Variants in NOS1AP observed in about 807,000 individuals in gnomAD.
NOS1AP encodes the protein nitric oxide synthase 1 adaptor protein, also known as carboxyl-terminal PDZ ligand of neuronal nitric oxide synthase protein.
NOS1AP carries 21 observed loss-of-function variants against 56.2 expected under a neutral mutation model. The ratio of observed to expected loss-of-function variants is 0.37; its 90% confidence interval spans 0.26 to 0.54. The LOEUF is 0.54. Among genes scored for constraint, NOS1AP ranks in the 20% least tolerant of loss-of-function variants. NOS1AP has a pLI of 0.84. For missense variants in NOS1AP, 522 were observed against 657.8 expected, an observed-to-expected ratio of 0.79 and a Z score of 2.26; for synonymous variants, 270 against 274.6, an observed-to-expected ratio of 0.98 and a Z score of 0.17.
chr1:162,216,565 C>G lies in NOS1AP; in HGVS notation c.177+62089C>G, dbSNP rs1157049892. On this transcript the variant is annotated intron_variant, in intron 2 of 9. Transcript: ENST00000361897. ...ATGTACTTTAGGCAAGTCGCTGAACCTCTATGCTTTGGTTTATTCATCTAC... is the reference window on the plus strand; with the variant it reads ...ATGTACTTTAGGCAAGTCGCTGAACGTCTATGCTTTGGTTTATTCATCTAC... 8.5e-5 allele frequency among the ~76,000 whole-genome samples: 13 copies of G among 152,314 alleles called. No homozygotes were observed. The East Asian group carries it at 2.5e-3, about 29-fold the overall frequency.
intron 2 of NOS1AP, among the ~76,000 whole-genome samples, chr1:162,221,979 A>G (rs1400400184): frequency 6.6e-6 from 1 of 152,176 alleles, no homozygotes; most frequent in Admixed American, 6.5e-5. Context: ...TCATTCTCCC[A>G]TTGAATATTT....
intron 2 of NOS1AP, among the ~76,000 whole-genome samples, chr1:162,179,689 G>C (rs1006780561): frequency 6.6e-6 from 1 of 152,194 alleles, no homozygotes; most frequent in African/African-American, 2.4e-5. Context: ...GTGGATGAGT[G>C]GGGAGGGAAA....
chr1:162,217,176 C>T (rs1037176333), intron 2 of NOS1AP, among the ~76,000 whole-genome samples: 1 of 151,004 alleles, frequency 6.6e-6, no homozygotes, highest in Non-Finnish European at 1.5e-5. Flanking sequence ...CAAGCCTATA[C>T]GACTCAAACT....
chr1:162,313,476 GA>G (rs559902817), intron 4 of NOS1AP, among the ~76,000 whole-genome samples: 144 of 152,212 alleles, frequency 9.5e-4, no homozygotes, highest in African/African-American at 2.9e-3. Context: ...AATATATCAA[GA>G]GCTGCCTCCC....
intron 2 of NOS1AP, among the ~76,000 whole-genome samples, chr1:162,173,918 A>G (rs1386286946): frequency 2.0e-4 from 30 of 152,164 alleles, no homozygotes; most frequent in African/African-American, 5.6e-4. Flanking sequence ...AACAGGTGCT[A>G]GAGAGGATGT....
At chr1:162,145,074 G>T (rs1649405067) in intron 1 of NOS1AP, among the ~76,000 whole-genome samples, 1 of 152,208 alleles carries the variant, frequency 6.6e-6, no homozygotes, top group Non-Finnish European at 1.5e-5. Flanking sequence ...CCCCTGCTGA[G>T]CTACTGATCA....
At chr1:162,288,217 C>G (rs779608100) in intron 3 of NOS1AP, among the ~76,000 whole-genome samples, 15 of 152,000 alleles carry the variant, frequency 9.9e-5, no homozygotes, top group Non-Finnish European at 1.5e-4. Flanking sequence ...TATAAGGAGC[C>G]CTTTTTGTCC....
At chr1:162,356,851 G>A in intron 7 of NOS1AP, 109 bp from the exon 8 acceptor site, 6 of 1,603,464 alleles carry the variant, frequency 3.7e-6, no homozygotes, top group Non-Finnish European at 5.1e-6. Flanking sequence ...GTCAGCTTAT[G>A]GGTTGTAAGT....
rs192487079 is a variant in NOS1AP, at chr1:162,176,653, C to T, written c.177+22177C>T. On this transcript the variant is annotated intron_variant, in intron 2 of 9. Transcript: ENST00000361897. Reference sequence around the variant, plus strand: ...CCTCCCAAGTAGCTGGGACTACAGGCGTGTGCTACCACGCCCAGCTACTTT... The same window carrying T: ...CCTCCCAAGTAGCTGGGACTACAGGTGTGTGCTACCACGCCCAGCTACTTT... Among the ~76,000 whole-genome samples the T allele has an allele frequency of 2.3e-3, 357 of 151,946 alleles. 6 individuals are homozygous for T. Among genetic ancestry groups the T allele is most frequent in the African/African-American group, 8.1e-3 (335 of 41,436 alleles).
chr1:162,168,869 G>C (rs1304213570), intron 2 of NOS1AP, among the ~76,000 whole-genome samples: 2 of 152,212 alleles, frequency 1.3e-5, no homozygotes, highest in African/African-American at 2.4e-5. Context: ...AGGGGCTGAG[G>C]TGGTGAGGGA....
At chr1:162,174,040 C>T (rs1318073999) in intron 2 of NOS1AP, among the ~76,000 whole-genome samples, 1 of 152,044 alleles carries the variant, frequency 6.6e-6, no homozygotes, top group Non-Finnish European at 1.5e-5. Flanking sequence ...ACCATTTGAC[C>T]CAGCCATCCC....
At chr1:162,228,613 T>G (rs1191329660) in intron 2 of NOS1AP, among the ~76,000 whole-genome samples, 1 of 152,090 alleles carries the variant, frequency 6.6e-6, no homozygotes, top group Non-Finnish European at 1.5e-5. Context: ...CTCTCAGGAG[T>G]AAGGGCAAGC....
rs183431157 is a variant in NOS1AP at position 162,180,727 on chromosome 1, A to G, written c.177+26251A>G. ...CCGGGAACTCAGTTCTGCCAACGAC[A>G]ACGTGAGCTTGGGAGATGACCCATG... is the stretch of plus-strand genomic sequence containing the variant. On this transcript the variant is annotated intron_variant, in intron 2 of 9. Transcript: ENST00000361897. Among the ~76,000 whole-genome samples the G allele has an allele frequency of 1.4e-4, 22 of 152,256 alleles. No homozygotes were observed. The East Asian group carries it at 4.1e-3, about 28-fold the overall frequency.
chr1:162,365,767 C>T (rs1658066751), intron 9 of NOS1AP, among the ~76,000 whole-genome samples, 198 bp downstream of exon 9: 1 of 152,114 alleles, frequency 6.6e-6, no homozygotes. Flanking sequence ...ATCTCGGGTG[C>T]CTTCTAATCC....
rs545591787 is a variant in NOS1AP at position 162,351,565 on chromosome 1, C to G, written c.596-3622C>G. ...CTGCCTCTGCATTCCACCTCCATCT[C>G]GCCTCCTCTGGAACTTTGAGCAACT... On this transcript the variant is annotated intron_variant, in intron 6 of 9. Coordinates refer to ENST00000361897, the MANE Select transcript of NOS1AP (RefSeq NM_014697.3). Among the ~76,000 whole-genome samples the G allele has an allele frequency of 9.8e-5, 15 of 152,312 alleles. No individual in the cohort carries two copies. The East Asian group carries it at 2.9e-3, about 29-fold the overall frequency.
chr1:162,271,347 A>C (rs1654579178), intron 2 of NOS1AP, among the ~76,000 whole-genome samples: 1 of 150,044 alleles, frequency 6.7e-6, no homozygotes, highest in South Asian at 2.2e-4. Flanking sequence ...GAGAGTGTTT[A>C]CTTTTTTCAT....
chr1:162,161,117 G>T (rs781103833), intron 2 of NOS1AP, among the ~76,000 whole-genome samples: 1 of 152,120 alleles, frequency 6.6e-6, no homozygotes, highest in African/African-American at 2.4e-5. Context: ...TTGGTTATAA[G>T]GTCCCTCGTT....
chr1:162,120,568 T>C (rs778140621), intron 1 of NOS1AP, among the ~76,000 whole-genome samples: 66 of 152,232 alleles, frequency 4.3e-4, no homozygotes, highest in Non-Finnish European at 9.1e-4. Flanking sequence ...ACGAAAGTCA[T>C]GTCTTATGTG....
chr1:162,293,958 A>C (rs1347408228), intron 3 of NOS1AP, among the ~76,000 whole-genome samples: 5 of 152,192 alleles, frequency 3.3e-5, no homozygotes, highest in Non-Finnish European at 7.3e-5. Context: ...AGAATGAAAA[A>C]TGAAGCAGAT....
Sources: gnomAD v4.1 joint callset for allele counts (sites outside exome capture counted in the v4.1 genomes callset) on GRCh38, gnomAD v4.1.1 for gene constraint, MANE v1.5 for transcripts, NCBI Gene and HGNC (gene_info 2026-07-23, HGNC 2026-07-21) for gene names.